DEPTOR: variants seen among roughly 807,000 people sequenced by gnomAD.
DEPTOR encodes DEP domain-containing mTOR-interacting protein.
DEPTOR carries 41 observed loss-of-function variants against 41.6 expected under a neutral mutation model. The observed-to-expected ratio is 0.98, with a 90% CI of 0.77 to 1.28. DEPTOR has a LOEUF of 1.28. Ranked by LOEUF, DEPTOR falls within the 50% of genes most tolerant of loss-of-function variation. The pLI is 0.00. For missense variants in DEPTOR, 514 were observed against 527.9 expected (o/e 0.97, Z 0.26); for synonymous variants, 195 against 192.3 (o/e 1.01, Z -0.12).
intron 4 of DEPTOR, among the ~76,000 whole-genome samples, chr8:119,972,622 CAAAAAAA>C (rs59750717): frequency 2.0e-4 from 27 of 138,398 alleles, no homozygotes; most frequent in African/African-American, 5.6e-4. Flanking sequence ...GACTCTGTCT[CAAAAAAA>C]AAAAAAAAAA....
At chr8:119,961,058 A>C (rs1447762336) in intron 3 of DEPTOR, among the ~76,000 whole-genome samples, 1 of 152,058 alleles carries the variant, frequency 6.6e-6, no homozygotes, top group Non-Finnish European at 1.5e-5. Flanking sequence ...GGATAAACTT[A>C]AATCTTTGAA....
intron 7 of DEPTOR, among the ~76,000 whole-genome samples, chr8:120,007,572 C>G (rs1207177914): frequency 1.3e-5 from 2 of 152,184 alleles, no homozygotes; most frequent in African/African-American, 2.4e-5. Flanking sequence ...GTGTCTCCTT[C>G]TGTCAATCTC....
intron 8 of DEPTOR, among the ~76,000 whole-genome samples, chr8:120,041,789 C>T (rs1037776650): frequency 1.3e-5 from 2 of 152,060 alleles, no homozygotes; most frequent in South Asian, 4.2e-4. Context: ...CCACCCACCT[C>T]GCCTCCCAAA....
chr8:119,949,828 C>T (rs746415443), intron 3 of DEPTOR, among the ~76,000 whole-genome samples: 16 of 151,878 alleles, frequency 1.1e-4, no homozygotes, highest in Non-Finnish European at 1.5e-4. Context: ...TACAGGTGCA[C>T]GCCACCATGC....
Position 119,988,734 on chromosome 8 carries a change from C to T in DEPTOR, c.605-12791C>T, listed in dbSNP as rs189986285. On this transcript the variant is annotated intron_variant, in intron 4 of 8. Transcript: ENST00000286234. ...CTGACCTCAAGCGAACTGCCCGCCT[C>T]GGGTCCCCAAAGTGCTGGGATTACA... Among the ~76,000 whole-genome samples the T allele has an allele frequency of 1.3e-3, 195 of 152,246 alleles. 2 individuals are homozygous for T. The highest frequency in any genetic ancestry group is 4.2e-3 in the African/African-American group (176 of 41,544).
chr8:119,887,165 CTCCCT>C (rs1311564154), intron 1 of DEPTOR, among the ~76,000 whole-genome samples: 13 of 99,546 alleles, frequency 1.3e-4, no homozygotes, highest in Non-Finnish European at 1.8e-4. Flanking sequence ...CTCCCCTCCC[CTCCCT>C]TCCCTTCCCT....
chr8:119,940,790 A>G (rs1289546021), intron 3 of DEPTOR, among the ~76,000 whole-genome samples: 1 of 152,152 alleles, frequency 6.6e-6, no homozygotes, highest in African/African-American at 2.4e-5. Flanking sequence ...ATTCTGACAC[A>G]TGCTTCACAA....
At chr8:119,981,714 C>T (rs1038867470) in intron 4 of DEPTOR, among the ~76,000 whole-genome samples, 6 of 150,346 alleles carry the variant, frequency 4.0e-5, no homozygotes, top group African/African-American at 1.5e-4. Flanking sequence ...TTTGGCAATT[C>T]TCTTAAATTC....
intron 1 of DEPTOR, among the ~76,000 whole-genome samples, chr8:119,900,332 A>G (rs1203544455): frequency 1.9e-5 from 2 of 102,602 alleles, no homozygotes; most frequent in East Asian, 1.5e-3. Context: ...TCAAAAAAAA[A>G]AAAAAGAAAA....
At chr8:119,903,410 T>G (rs1415239355) in intron 1 of DEPTOR, among the ~76,000 whole-genome samples, 1 of 152,158 alleles carries the variant, frequency 6.6e-6, no homozygotes, top group Non-Finnish European at 1.5e-5. Flanking sequence ...AAATACTATT[T>G]TTTTGCCCTA....
intron 8 of DEPTOR, among the ~76,000 whole-genome samples, chr8:120,033,967 T>C (rs557472482): frequency 9.2e-5 from 14 of 152,156 alleles, no homozygotes; most frequent in African/African-American, 3.4e-4. Flanking sequence ...CACCGGGGGC[T>C]GAAGCAGGAG....
chr8:119,944,179 T>G (rs746845744), intron 3 of DEPTOR, among the ~76,000 whole-genome samples: 1 of 152,228 alleles, frequency 6.6e-6, no homozygotes, highest in Non-Finnish European at 1.5e-5. Context: ...ATAGCCTTGT[T>G]ATTTCTGGCT....
intron 1 of DEPTOR, among the ~76,000 whole-genome samples, chr8:119,899,504 G>A (rs915750111): frequency 9.2e-5 from 14 of 152,180 alleles, no homozygotes; most frequent in Non-Finnish European, 2.1e-4. Context: ...ATCTGTGCAA[G>A]AATCTATGTG....
At chr8:119,995,445 G>A (rs184568184) in intron 4 of DEPTOR, among the ~76,000 whole-genome samples, 97 of 152,126 alleles carry the variant, frequency 6.4e-4, no homozygotes, top group African/African-American at 2.2e-3. Context: ...AATTAGCCAG[G>A]CCTGGTGGTA....
At chr8:119,917,774 C>G (rs922034533) in intron 1 of DEPTOR, among the ~76,000 whole-genome samples, 1 of 152,152 alleles carries the variant, frequency 6.6e-6, no homozygotes, top group Non-Finnish European at 1.5e-5. Context: ...GCAGTTGAGA[C>G]AGGAGGAAGG....
intron 3 of DEPTOR, among the ~76,000 whole-genome samples, chr8:119,937,810 A>G (rs900485265): frequency 2.0e-5 from 3 of 152,212 alleles, no homozygotes; most frequent in Non-Finnish European, 1.5e-5. Context: ...AGAACAGCAC[A>G]GTGAGGGGCA....
intron 1 of DEPTOR, among the ~76,000 whole-genome samples, chr8:119,908,406 T>C (rs541997988): frequency 7.2e-5 from 11 of 152,224 alleles, no homozygotes; most frequent in Non-Finnish European, 1.5e-4. Flanking sequence ...TTGGGCAACA[T>C]AGTGAGACCC....
intron 8 of DEPTOR, among the ~76,000 whole-genome samples, chr8:120,040,247 A>G (rs912905392): frequency 2.0e-5 from 3 of 152,048 alleles, no homozygotes; most frequent in African/African-American, 4.8e-5. Flanking sequence ...ACTAACAGGT[A>G]TGGGATGAGC....
At chr8:119,913,803 C>T (rs938500731) in intron 1 of DEPTOR, among the ~76,000 whole-genome samples, 3 of 152,132 alleles carry the variant, frequency 2.0e-5, no homozygotes, top group Non-Finnish European at 4.4e-5. Flanking sequence ...GGTGTCCTGA[C>T]TCCTCCTAGA....
Sources: gnomAD v4.1 joint callset for allele counts (sites outside exome capture counted in the v4.1 genomes callset) on GRCh38, gnomAD v4.1.1 for gene constraint, MANE v1.5 for transcripts, NCBI Gene and HGNC (gene_info 2026-07-23, HGNC 2026-07-21) for gene names.